Variants in AREL1 observed in about 807,000 individuals in gnomAD.
AREL1 encodes apoptosis-resistant E3 ubiquitin protein ligase 1.
Under a neutral mutation model 99.0 loss-of-function variants are expected in AREL1, and 62 were observed. The ratio of observed to expected loss-of-function variants is 0.63; its 90% CI spans 0.51 to 0.77. The LOEUF is 0.77. Among genes scored for constraint, AREL1 ranks in the 30% least tolerant of loss-of-function variants. The probability of loss-of-function intolerance (pLI) is 0.00; values close to 1 mark genes in which losing one functional copy is unlikely to be tolerated. For missense variants in AREL1, 879 were observed against 1,027.6 expected (o/e 0.86, Z 1.98); for synonymous variants, 380 against 376.5 (o/e 1.01, Z -0.11).
intron 5 of AREL1, among the ~76,000 whole-genome samples, chr14:74,683,036 C>T (rs1396243870): frequency 2.6e-5 from 4 of 152,164 alleles, no homozygotes; most frequent in African/African-American, 9.7e-5. Context: ...AGATGAGTGG[C>T]TGCCTAGGTC....
At chr14:74,712,053 A>AAAAAAAAAAAAG (rs2090310736) in intron 1 of AREL1, 1 of 59,598 alleles carries the variant, frequency 1.7e-5, no homozygotes, top group Non-Finnish European at 3.8e-5. Flanking sequence ...AAAAAAAAAA[A>AAAAAAAAAAAAG]AAAAAAAAAA....
At chr14:74,710,637 G>C (rs980558813) in intron 1 of AREL1, among the ~76,000 whole-genome samples, 3 of 152,160 alleles carry the variant, frequency 2.0e-5, no homozygotes, top group African/African-American at 7.2e-5. Flanking sequence ...ATGGCAGCTT[G>C]ACAGAGACAA....
chr14:74,706,111 T>A lies in AREL1; in HGVS notation c.-334+6822A>T, dbSNP rs375549358. ...TTGATGTGTTTTCTATATACAAAAC[T>A]GACTCTGCTATGCCTGAGCCACAGA... is the stretch of plus-strand genomic sequence containing the variant. On this transcript the variant is annotated intron_variant, in intron 1 of 19. Coordinates refer to ENST00000356357, the MANE Select transcript of AREL1 (RefSeq NM_001039479.2). 1.8e-4 allele frequency among the ~76,000 whole-genome samples: 27 copies of A among 152,342 alleles called. No homozygotes were observed. The East Asian group carries it at 5.2e-3, about 29-fold the overall frequency.
At chr14:74,667,409 C>A in intron 16 of AREL1, 32 bp from the exon 17 acceptor site, 1 of 1,614,116 alleles carries the variant, frequency 6.2e-7, no homozygotes, top group Middle Eastern at 1.6e-4. Flanking sequence ...AAAGTCATAC[C>A]CACACCATGG....
intron 4 of AREL1, 66 bp from the exon 5 acceptor site, chr14:74,683,599 G>A (rs1424467252): frequency 1.4e-6 from 2 of 1,447,968 alleles, no homozygotes; most frequent in Middle Eastern, 1.8e-4. Flanking sequence ...TGTGTAGAGT[G>A]AGTGGGGAGA....
At chr14:74,684,366 A>G (rs1394965534) in intron 4 of AREL1, 88 bp downstream of exon 4, 3 of 1,174,384 alleles carry the variant, frequency 2.6e-6, no homozygotes, top group Non-Finnish European at 3.7e-6. Context: ...ACAAGAGAAA[A>G]TGTTAACATT....
chr14:74,708,211 T>C (rs1323564793), intron 1 of AREL1, among the ~76,000 whole-genome samples: 1 of 152,196 alleles, frequency 6.6e-6, no homozygotes, highest in African/African-American at 2.4e-5. Flanking sequence ...TTTGCAACTT[T>C]TTTATAAATT....
At chr14:74,704,445 G>C (rs1477892460) in intron 1 of AREL1, among the ~76,000 whole-genome samples, 1 of 152,016 alleles carries the variant, frequency 6.6e-6, no homozygotes, top group African/African-American at 2.4e-5. Context: ...GTAGGGAGGG[G>C]GGCTTCCAGG....
intron 5 of AREL1, among the ~76,000 whole-genome samples, chr14:74,679,334 T>C (rs1469173272): frequency 6.6e-6 from 1 of 150,914 alleles, no homozygotes. Context: ...AGATGGGAGA[T>C]CACCTAAGCC....
chr14:74,709,451 T>A (rs777106008), intron 1 of AREL1, among the ~76,000 whole-genome samples: 4 of 152,178 alleles, frequency 2.6e-5, no homozygotes, highest in Non-Finnish European at 5.9e-5. Context: ...AACTCCCACA[T>A]CTCTATTCAG....
In AREL1 at chr14:74,697,714, G is replaced by A. The variant is rs866266282; in HGVS notation, c.-333-5386C>T. 3.9e-5 allele frequency among the ~76,000 whole-genome samples: 6 copies of A among 152,124 alleles called. No individual in the cohort carries two copies. The South Asian group carries it at 1.0e-3, about 26-fold the overall frequency. On this transcript the variant is annotated intron_variant, in intron 1 of 19. Coordinates refer to ENST00000356357, the MANE Select transcript of AREL1 (RefSeq NM_001039479.2). ...GAACTCTCTCCAGCTGATCCCCAAC[G>A]ATCTGGTAATGAGGTGCCTCCAAAT...
intron 5 of AREL1, 65 bp from the exon 6 acceptor site, chr14:74,676,817 G>C: frequency 7.8e-7 from 1 of 1,286,610 alleles, no homozygotes; most frequent in African/African-American, 1.5e-5. Context: ...TTTTTTTTGA[G>C]ATGGAGTCTC....
chr14:74,713,004 A>T lies in AREL1; in HGVS notation c.-405T>A. ...GGGAAGGGGCGGCAGCACTCAGCAG[A>T]AGACGGGCTCCCCACTCTCCCACCA... On this transcript the variant is annotated 5_prime_UTR_variant, in exon 1 of 20. Transcript: ENST00000356357. 1.1e-6 allele frequency: 1 copy of T among 886,374 alleles called. No individual in the cohort carries two copies. The highest frequency in any genetic ancestry group is 1.9e-6 in the Non-Finnish European group (1 of 539,260). The allele number at this position is 886,374 out of a possible 1,614,324, so 54.9% of individuals were successfully genotyped here.
chr14:74,666,260 CAT>C (rs1370594611), intron 17 of AREL1, among the ~76,000 whole-genome samples: 1 of 152,214 alleles, frequency 6.6e-6, no homozygotes, highest in Non-Finnish European at 1.5e-5. Flanking sequence ...AGACACTCCT[CAT>C]AGAAACTACG....
intron 2 of AREL1, among the ~76,000 whole-genome samples, chr14:74,689,684 A>T (rs1448755933): frequency 3.0e-5 from 4 of 133,970 alleles, no homozygotes; most frequent in African/African-American, 1.1e-4. Flanking sequence ...CGCAACCTCT[A>T]CCTCTGGGTT....
chr14:74,666,031 G>A (rs1252334663), intron 17 of AREL1, among the ~76,000 whole-genome samples: 2 of 152,148 alleles, frequency 1.3e-5, no homozygotes, highest in Non-Finnish European at 2.9e-5. Flanking sequence ...ACAGTGCTAG[G>A]TAACAGGTTT....
intron 2 of AREL1, among the ~76,000 whole-genome samples, chr14:74,686,674 T>C (rs1017657880): frequency 4.6e-5 from 7 of 152,068 alleles, no homozygotes; most frequent in African/African-American, 1.7e-4. Flanking sequence ...TTTTTCAGGG[T>C]GTGTTTTTAC....
intron 1 of AREL1, among the ~76,000 whole-genome samples, chr14:74,700,225 C>T (rs1302393472): frequency 6.6e-6 from 1 of 152,250 alleles, no homozygotes; most frequent in Non-Finnish European, 1.5e-5. Flanking sequence ...TATATTATCT[C>T]ATTTAACTCT....
chr14:74,682,191 T>C (rs2139912896), intron 5 of AREL1, among the ~76,000 whole-genome samples: 1 of 152,224 alleles, frequency 6.6e-6, no homozygotes. Flanking sequence ...AGCCACTTTG[T>C]CCAGAGCCTT....
Sources: allele counts gnomAD v4.1 joint callset (sites outside exome capture counted in the v4.1 genomes callset), GRCh38; gene constraint gnomAD v4.1.1; transcripts MANE v1.5; gene names NCBI Gene and HGNC (gene_info 2026-07-23, HGNC 2026-07-21).